GRINA: variants seen among roughly 807,000 people sequenced by gnomAD.
GRINA encodes the protein glutamate ionotropic receptor NMDA type subunit associated protein 1.
Under a neutral mutation model 42.5 loss-of-function variants are expected in GRINA, and 26 were observed. That is an observed-to-expected ratio of 0.61 (90% CI 0.45 to 0.85). The LOEUF (loss-of-function observed/expected upper bound fraction) is 0.85. Ranked by LOEUF, GRINA falls within the 40% of genes least tolerant of loss-of-function variation. The probability of loss-of-function intolerance (pLI) is 0.00; values close to 1 mark genes in which losing one functional copy is unlikely to be tolerated. For synonymous variants in GRINA, 256 were observed against 204.2 expected, an observed-to-expected ratio of 1.25 and a Z score of -2.17; for missense variants, 475 against 481.5, an observed-to-expected ratio of 0.99 and a Z score of 0.13.
Position 143,992,075 on chromosome 8 carries a change from A to C in GRINA, c.690A>C (p.Ala230=), listed in dbSNP as rs781831117. The C allele has an allele frequency of 1.2e-6, 2 of 1,613,454 alleles. No individual in the cohort carries two copies. The highest frequency in any genetic ancestry group is 1.7e-6 in the Non-Finnish European group (2 of 1,179,564). Residue 230 remains alanine, a synonymous_variant, in exon 4 of 7, where the codon GCA becomes GCC. Transcript: ENST00000395068. The stretch of plus-strand genomic sequence containing the variant: ...GAAAGCACCCCTGGAACCTTGTTGC[A>C]CTGGTAACCCCCAAACCTGAGCCTC... ...FRRKHPWNLV[A]LSVLTASLSY...
chr8:143,991,163 GC>G, intron 1 of GRINA, 36 bp from the exon 2 acceptor site: 1 of 1,246,066 alleles, frequency 8.0e-7, no homozygotes, highest in Non-Finnish European at 1.1e-6. Flanking sequence ...CTGTCGTCAA[GC>G]CAACTGTTCC....
At position 143,992,473 on chromosome 8, in the gene GRINA, C is replaced by CG; in HGVS notation, c.832dup (p.Asp278GlyfsTer133). On this transcript the variant is annotated frameshift_variant, in exon 6 of 7. Coordinates refer to ENST00000395068, the MANE Select transcript of GRINA (RefSeq NM_001009184.2). LOFTEE classifies it high-confidence loss of function. ...TCCTCTCCCACCTGCAGACCCGCTA[C>CG]GACTTCACCTCATGCATGGGCGTGC... 6.2e-7 allele frequency: 1 copy of CG among 1,614,156 alleles called. No homozygotes were observed. Among genetic ancestry groups the CG allele is most frequent in the Non-Finnish European group, 8.5e-7 (1 of 1,180,026 alleles).
At chr8:143,991,664 G>T in intron 2 of GRINA, 28 bp from the exon 3 acceptor site, 1 of 1,595,718 alleles carries the variant, frequency 6.3e-7, no homozygotes, top group Non-Finnish European at 8.6e-7. Context: ...CTTGTGAGTG[G>T]CGCTGACCCA....
rs1372197227 is a variant in GRINA at position 143,990,449 on chromosome 8, T to G, written c.-25+250T>G. On this transcript the variant is annotated intron_variant, in intron 1 of 6. Coordinates refer to ENST00000395068, the MANE Select transcript of GRINA (RefSeq NM_001009184.2). This position sits in a 1 kb window ranked among gnomAD's most constrained non-coding sequence, Gnocchi z 5.6. The stretch of plus-strand genomic sequence containing the variant: ...GCGGCGACTGCTGGACCCGTGACCC[T>G]GTGCGCCCCCGGCCCGCGGAGGGCC... 6.6e-6 allele frequency: 1 copy of G among 150,786 alleles called. No individual in the cohort carries two copies. Among genetic ancestry groups the G allele is most frequent in the Non-Finnish European group, 1.5e-5 (1 of 67,648 alleles). The allele number at this position is 150,786 out of a possible 1,614,324, so 9.3% of individuals were successfully genotyped here.
At position 143,993,285 on chromosome 8, in the gene GRINA, C is replaced by T. The variant is rs1038480203; in HGVS notation, c.*444C>T. The T allele has an allele frequency of 3.0e-5, 6 of 201,368 alleles. No homozygotes were observed. Among genetic ancestry groups the T allele is most frequent in the Admixed American group, 1.6e-4 (3 of 18,604 alleles). 12.5% of individuals were successfully genotyped at this position (201,368 alleles called of 1,614,324 possible). A position where few individuals can be genotyped will look rare whatever the true frequency, so the allele number is the denominator to read the frequency against. On this transcript the variant is annotated 3_prime_UTR_variant, in exon 7 of 7. Coordinates refer to ENST00000395068, the MANE Select transcript of GRINA (RefSeq NM_001009184.2). ...CCCCTGGAGTGCTGCCCTCTGGGGA[C>T]ATGCGGAGTGGGGGTCTTATCCCTG... is the stretch of plus-strand genomic sequence containing the variant.
At chr8:143,992,432 C>T (rs782219963) in intron 5 of GRINA, 33 bp from the exon 6 acceptor site, 9 of 1,613,736 alleles carry the variant, frequency 5.6e-6, no homozygotes, top group Non-Finnish European at 6.8e-6. Flanking sequence ...TTCCCAGGCC[C>T]AGCCCCATGG....
Position 143,991,779 on chromosome 8 carries a change from G to C in GRINA, c.467G>C (p.Ser156Thr). Residue 156 changes from serine to threonine, a missense_variant, in exon 3 of 7, where the codon AGC becomes ACC. By Grantham distance (58) the Ser-to-Thr change is moderately conservative. Transcript: ENST00000395068. ...DFPATNWDDK[S>T]IRQAFIRKVF... ...CCTGCCACCAACTGGGATGACAAGA[G>C]CATCCGACAGGCCTTCATCCGCAAG... The C allele has an allele frequency of 6.2e-7, 1 of 1,613,172 alleles. No homozygotes were observed. Among genetic ancestry groups the C allele is most frequent in the Non-Finnish European group, 8.5e-7 (1 of 1,179,124 alleles).
chr8:143,991,643 AG>A, intron 2 of GRINA, 41 bp downstream of exon 2: 4 of 1,582,368 alleles, frequency 2.5e-6, no homozygotes, highest in Non-Finnish European at 3.5e-6. Flanking sequence ...CCGGGAGGGC[AG>A]GGGGAGGTGC....
Position 143,990,994 on chromosome 8 carries a change from C to CCCAG in GRINA, c.-24-205_-24-204insCAGC, listed in dbSNP as rs1367970293. On this transcript the variant is annotated intron_variant, in intron 1 of 6. Coordinates refer to ENST00000395068, the MANE Select transcript of GRINA (RefSeq NM_001009184.2). The surrounding 1 kb of genome is among the most constrained non-coding windows in gnomAD (Gnocchi z 5.6). ...CCCCACCCTAAAGGCGGCCTAGAGCCCTGGGAAGGCCCCACGGCGCCGCCC... is the reference window on the plus strand; with the variant it reads ...CCCCACCCTAAAGGCGGCCTAGAGCCCCAGCTGGGAAGGCCCCACGGCGCCGCCC... 5 of 380,392 alleles carry CCCAG rather than the reference C, an allele frequency of 1.3e-5. No individual in the cohort carries two copies. The highest frequency in any genetic ancestry group is 4.2e-5 in the African/African-American group (2 of 47,254). 23.6% of individuals were successfully genotyped at this position (380,392 alleles called of 1,614,324 possible).
In GRINA at chr8:143,991,310, GC is replaced by G; in HGVS notation, c.93del (p.Tyr32MetfsTer136). ...ATCCGGGGGGGCCCCAGCCACCCAT[GC>G]CCCCCTATGCTCAGCCTCCCTACCC... is the stretch of plus-strand genomic sequence containing the variant. ...GYPGGPQPPM[P>X]PYAQPPYPGA... On this transcript the variant is annotated frameshift_variant, in exon 2 of 7. Coordinates refer to ENST00000395068, the MANE Select transcript of GRINA (RefSeq NM_001009184.2). LOFTEE classifies it high-confidence loss of function. The G allele has an allele frequency of 4.3e-6, 6 of 1,391,516 alleles. No individual in the cohort carries two copies. The highest frequency in any genetic ancestry group is 2.3e-5 in the Admixed American group (1 of 42,744). 86.2% of individuals were successfully genotyped at this position (1,391,516 alleles called of 1,614,324 possible).
chr8:143,991,506 C>A lies in GRINA; in HGVS notation c.283C>A (p.Pro95Thr), dbSNP rs1834095237. The change falls in exon 2 of 7, where the codon CCC becomes ACC. Residue 95 changes from proline (P) to threonine (T), a missense_variant. Coordinates refer to ENST00000395068, the MANE Select transcript of GRINA (RefSeq NM_001009184.2). ...PQEGYPQGPY[P>T]QGGYPQGPYP... ...AGAGGGCTACCCACAGGGCCCCTAC[C>A]CCCAAGGGGGCTACCCCCAGGGGCC... 2 of 1,541,294 alleles carry A rather than the reference C, an allele frequency of 1.3e-6. No homozygotes were observed. The highest frequency in any genetic ancestry group is 1.7e-6 in the Non-Finnish European group (2 of 1,147,654).
rs782121925 is a variant in GRINA at position 143,991,906 on chromosome 8, C to T, written c.521C>T (p.Ser174Leu). ...KVFLVLTLQL[S>L]VTLSTVSVFT... ...TTCCTAGTGCTGACCTTGCAGCTGT[C>T]GGTGACCCTGTCCACGGTGTCTGTG... Residue 174 changes from serine (S) to leucine (L), a missense_variant, in exon 4 of 7, where the codon TCG (serine) becomes TTG (leucine). Coordinates refer to ENST00000395068, the MANE Select transcript of GRINA (RefSeq NM_001009184.2). The T allele has an allele frequency of 9.9e-6, 16 of 1,612,290 alleles. No homozygotes were observed. Among genetic ancestry groups the T allele is most frequent in the South Asian group, 5.5e-5 (5 of 90,810 alleles).
chr8:143,992,563 C>T lies in GRINA; in HGVS notation c.921C>T (p.Ile307=). 2 of 1,614,190 alleles carry T rather than the reference C, an allele frequency of 1.2e-6. No homozygotes were observed. Among genetic ancestry groups the T allele is most frequent in the Non-Finnish European group, 1.7e-6 (2 of 1,180,030 alleles). ...TCTGCATCTTCATCCGGAACCGCAT[C>T]CTGGAGATCGTGTACGCCTCACTGG... ...AILCIFIRNR[I]LEIVYASLGA... Residue 307 remains isoleucine (I), a synonymous_variant, in exon 6 of 7, where the codon ATC becomes ATT. Coordinates refer to ENST00000395068, the MANE Select transcript of GRINA (RefSeq NM_001009184.2).
rs1162796216 is a variant in GRINA, at chr8:143,992,448, T to C, written c.823-17T>C. ...TCCCAGGCCCAGCCCCATGGCCCGT[T>C]CCTCTCCCACCTGCAGACCCGCTAC... On this transcript the variant is annotated splice_polypyrimidine_tract_variant and intron_variant, in intron 5 of 6. Coordinates refer to ENST00000395068, the MANE Select transcript of GRINA (RefSeq NM_001009184.2). 6.2e-7 allele frequency: 1 copy of C among 1,613,860 alleles called. No homozygotes were observed. The highest frequency in any genetic ancestry group is 8.5e-7 in the Non-Finnish European group (1 of 1,180,006).
chr8:143,992,931 C>G lies in GRINA; in HGVS notation c.*90C>G, dbSNP rs1383944088. The G allele has an allele frequency of 5.2e-5, 58 of 1,109,574 alleles. No homozygotes were observed. The East Asian group carries it at 1.4e-3, about 27-fold the overall frequency. The allele number at this position is 1,109,574 out of a possible 1,614,324, so 68.7% of individuals were successfully genotyped here. ...GCAGTGCCAGCTGTACTTCCCCTCT[C>G]TCTTGTCCCCAGGCACAGCCTAGGG... On this transcript the variant is annotated 3_prime_UTR_variant, in exon 7 of 7. Transcript: ENST00000395068.
In GRINA at chr8:143,990,697, G is replaced by C. The variant is rs956635215; in HGVS notation, c.-25+498G>C. ...GCCCTGTTGTTGGGCTCGCGGGGGT[G>C]GGGGGGCTCGGGCCTTTGTTGGTCA... On this transcript the variant is annotated intron_variant, in intron 1 of 6. Transcript: ENST00000395068. The surrounding 1 kb of genome is among the most constrained non-coding windows in gnomAD (Gnocchi z 5.6). 6.6e-6 allele frequency: 1 copy of C among 152,094 alleles called. No individual in the cohort carries two copies. Among genetic ancestry groups the C allele is most frequent in the African/African-American group, 2.4e-5 (1 of 41,402 alleles). The allele number at this position is 152,094 out of a possible 1,614,324, so 9.4% of individuals were successfully genotyped here.
In GRINA at chr8:143,991,934, C is replaced by A. The variant is rs1554750575; in HGVS notation, c.549C>A (p.Phe183Leu). The A allele has an allele frequency of 6.2e-7, 1 of 1,613,752 alleles. No homozygotes were observed. Among genetic ancestry groups the A allele is most frequent in the African/African-American group, 1.3e-5 (1 of 75,022 alleles). ...TGACCCTGTCCACGGTGTCTGTGTT[C>A]ACTTTTGTTGCGGAGGTGAAGGGCT... The part of the protein sequence containing the change: ...LSVTLSTVSV[F>L]TFVAEVKGFV... Residue 183 changes from phenylalanine to leucine, a missense_variant, in exon 4 of 7, where the codon TTC becomes TTA. Coordinates refer to ENST00000395068, the MANE Select transcript of GRINA (RefSeq NM_001009184.2).
Position 143,992,723 on chromosome 8 carries a change from G to A in GRINA, c.998G>A (p.Gly333Glu). The A allele has an allele frequency of 6.2e-7, 1 of 1,613,864 alleles. No homozygotes were observed. Among genetic ancestry groups the A allele is most frequent in the African/African-American group, 1.3e-5 (1 of 75,054 alleles). Reference sequence around the variant, plus strand: ...GCAGTGGACACCCAGCTGCTACTGGGGAACAAGCAGCTGTCCCTGAGCCCA... The same window carrying A: ...GCAGTGGACACCCAGCTGCTACTGGAGAACAAGCAGCTGTCCCTGAGCCCA... ...FLAVDTQLLL[G>E]NKQLSLSPEE... The change falls in exon 7 of 7, where the codon GGG becomes GAG. Residue 333 changes from glycine to glutamate, a missense_variant. By Grantham distance (98) the Gly-to-Glu change is moderately conservative (BLOSUM62 -2). Transcript: ENST00000395068.
At position 143,991,486 on chromosome 8, in the gene GRINA, G is replaced by T. The variant is rs1334673572; in HGVS notation, c.263G>T (p.Gly88Val). 6.6e-7 allele frequency: 1 copy of T among 1,524,814 alleles called. No homozygotes were observed. The highest frequency in any genetic ancestry group is 8.8e-7 in the Non-Finnish European group (1 of 1,142,358). The allele number at this position is 1,524,814 out of a possible 1,614,324, so 94.5% of individuals were successfully genotyped here. A position where few individuals can be genotyped will look rare whatever the true frequency, so the allele number is the denominator to read the frequency against. ...GYPQGPYPQEGYPQGPYPQGG... is the reference protein window; with the variant it reads ...GYPQGPYPQEVYPQGPYPQGG... ...CCACAGGGCCCCTACCCACAAGAGG[G>T]CTACCCACAGGGCCCCTACCCCCAA... Residue 88 changes from glycine (G) to valine (V), a missense_variant, in exon 2 of 7, where the codon GGC (glycine) becomes GTC (valine). Gly to Val is a moderately radical substitution (Grantham distance 109). Around this residue, in one of 2 missense-constraint regions of GRINA, gnomAD observed 321 missense variants for 267.2 expected, o/e 1.20. Coordinates refer to ENST00000395068, the MANE Select transcript of GRINA (RefSeq NM_001009184.2).
Sources: allele counts gnomAD v4.1 joint callset, GRCh38; gene constraint gnomAD v4.1.1; regional missense constraint gnomAD v4.1.1; non-coding constraint Gnocchi (gnomAD v3.1); transcripts MANE v1.5; gene names NCBI Gene and HGNC (gene_info 2026-07-23, HGNC 2026-07-21).